KSR1: variants seen among roughly 807,000 people sequenced by gnomAD.
The protein encoded by KSR1 is kinase suppressor of ras.
KSR1 carries 35 observed loss-of-function variants against 92.9 expected under a neutral mutation model. That is an observed-to-expected ratio of 0.38 (90% CI 0.29 to 0.50). The LOEUF (loss-of-function observed/expected upper bound fraction) is 0.50. KSR1 is among the 20% of genes least tolerant of loss of function. KSR1 has a pLI of 0.94. For missense variants in KSR1, 972 were observed against 1,158.5 expected, an observed-to-expected ratio of 0.84 and a Z score of 2.34; for synonymous variants, 467 against 472.6, an observed-to-expected ratio of 0.99 and a Z score of 0.15.
At chr17:27,623,063 C>A in intron 20 of KSR1, 1 of 573,942 alleles carries the variant, frequency 1.7e-6, no homozygotes, top group Non-Finnish European at 3.1e-6. Flanking sequence ...CAGTACTGAG[C>A]ATGCTGGGAG....
At position 27,487,586 on chromosome 17, in the gene KSR1, TAAA is replaced by T. The variant is rs75708903; in HGVS notation, c.231+30726_231+30728del. On this transcript the variant is annotated intron_variant, in intron 1 of 20. Transcript: ENST00000644974. ...CAACGTGGTGAAACCCCATCTCTTT[TAAA>T]AAAAAAAAAAAAAGGTTTATTTGGC... Among the ~76,000 whole-genome samples, 110 of 145,974 alleles carry T rather than the reference TAAA, an allele frequency of 7.5e-4. No individual in the cohort carries two copies. In the Middle Eastern group the frequency reaches 0.018, roughly 24 times the overall value.
intron 1 of KSR1, among the ~76,000 whole-genome samples, chr17:27,549,881 A>G (rs1356608885): frequency 6.6e-6 from 1 of 152,180 alleles, no homozygotes; most frequent in Non-Finnish European, 1.5e-5. Flanking sequence ...TAACTTGTCC[A>G]AGGTCACAGA....
intron 10 of KSR1, among the ~76,000 whole-genome samples, chr17:27,598,461 A>G (rs1015371514): frequency 8.5e-5 from 13 of 152,168 alleles, no homozygotes; most frequent in Middle Eastern, 3.2e-3. Flanking sequence ...GGGACGGTGG[A>G]GACGGAGATC....
At chr17:27,604,759 GC>G (rs374217878) in intron 13 of KSR1, 31 bp downstream of exon 13, 45 of 1,610,804 alleles carry the variant, frequency 2.8e-5, no homozygotes, top group East Asian at 8.9e-5. Context: ...TCCACAGATG[GC>G]CCCCCCTCTT....
intron 10 of KSR1, among the ~76,000 whole-genome samples, chr17:27,599,411 G>A (rs1464906066): frequency 6.6e-6 from 1 of 152,156 alleles, no homozygotes; most frequent in African/African-American, 2.4e-5. Flanking sequence ...TACAAAATTA[G>A]CCAAGTGTGG....
At position 27,617,393 on chromosome 17, in the gene KSR1, G is replaced by A. The variant is rs776758508; in HGVS notation, c.2592G>A (p.Arg864=). The stretch of plus-strand genomic sequence containing the variant: ...AGAAACTTCCCAAGCTGAACCGGCG[G>A]CTCTCCCACCCTGGACACTTCTGGA... ...MLEKLPKLNR[R]LSHPGHFWKS... is the part of the protein sequence containing the mutation. The change falls in exon 19 of 21, where the codon CGG becomes CGA. Residue 864 remains arginine (R), a synonymous_variant. Coordinates refer to ENST00000644974, the MANE Select transcript of KSR1 (RefSeq NM_001394583.1). The A allele has an allele frequency of 3.7e-6, 6 of 1,612,712 alleles. No homozygotes were observed. Among genetic ancestry groups the A allele is most frequent in the Non-Finnish European group, 4.2e-6 (5 of 1,179,198 alleles).
intron 2 of KSR1, among the ~76,000 whole-genome samples, chr17:27,567,360 G>GCAGGAGGATTGCTTGAAGC (rs1434928120): frequency 6.6e-6 from 1 of 152,166 alleles, no homozygotes; most frequent in Admixed American, 6.5e-5. Context: ...GGAGGCCGAG[G>GCAGGAGGATTGCTTGAAGC]CAGGAGGATT....
intron 1 of KSR1, among the ~76,000 whole-genome samples, chr17:27,489,243 C>T (rs1280456453): frequency 1.3e-5 from 2 of 152,240 alleles, no homozygotes; most frequent in Non-Finnish European, 2.9e-5. Flanking sequence ...TGCCCACATG[C>T]AGGGTGTGGA....
chr17:27,605,920 G>A, intron 14 of KSR1, 107 bp downstream of exon 14: 1 of 1,440,386 alleles, frequency 6.9e-7, no homozygotes, highest in Non-Finnish European at 9.3e-7. Context: ...TCTAATAGAG[G>A]CATAAAGAAG....
At position 27,582,697 on chromosome 17, in the gene KSR1, A is replaced by C; in HGVS notation, c.572A>C (p.Glu191Ala). 1 of 1,613,496 alleles carries C rather than the reference A, an allele frequency of 6.2e-7. No individual in the cohort carries two copies. Among genetic ancestry groups the C allele is most frequent in the Admixed American group, 1.7e-5 (1 of 60,000 alleles). The change falls in exon 4 of 21, where the codon GAA becomes GCA. Residue 191 changes from glutamate to alanine, a missense_variant. Transcript: ENST00000644974. Reference protein sequence around the residue: ...SSWSSLDARRESGSGPSTDTL... With the variant: ...SSWSSLDARRASGSGPSTDTL... Reference sequence around the variant, plus strand: ...TGGAGTTCATTGGATGCGCGGCGGGAAAGTGGCTCAGGGCCTTCCACGGAC... The same window carrying C: ...TGGAGTTCATTGGATGCGCGGCGGGCAAGTGGCTCAGGGCCTTCCACGGAC...
At chr17:27,486,442 C>T (rs1303948883) in intron 1 of KSR1, among the ~76,000 whole-genome samples, 1 of 152,190 alleles carries the variant, frequency 6.6e-6, no homozygotes, top group Non-Finnish European at 1.5e-5. Flanking sequence ...TGTGGAACTC[C>T]CTAGTGGGCT....
chr17:27,496,491 C>T (rs2068990348), intron 1 of KSR1, among the ~76,000 whole-genome samples: 1 of 152,146 alleles, frequency 6.6e-6, no homozygotes, highest in Non-Finnish European at 1.5e-5. Flanking sequence ...TATGTCTCAG[C>T]CAGATTTTCT....
chr17:27,577,476 C>T lies in KSR1; in HGVS notation c.373-16C>T, dbSNP rs1304303125. 21 of 1,450,800 alleles carry T rather than the reference C, an allele frequency of 1.4e-5. No individual in the cohort carries two copies. The highest frequency in any genetic ancestry group is 2.0e-5 in the Non-Finnish European group (21 of 1,061,616). 89.9% of individuals were successfully genotyped at this position (1,450,800 alleles called of 1,614,324 possible). A position where few individuals can be genotyped will look rare whatever the true frequency, so the allele number is the denominator to read the frequency against. On this transcript the variant is annotated splice_polypyrimidine_tract_variant and intron_variant, in intron 2 of 20. Coordinates refer to ENST00000644974, the MANE Select transcript of KSR1 (RefSeq NM_001394583.1). This position sits in a 1 kb window ranked among gnomAD's most constrained non-coding sequence, Gnocchi z 4.5. Reference sequence around the variant, plus strand: ...GACTGCTCACCGCCTCTCTGCCTGTCCCTCTGTCCCCTTAGGAGATCCCCC... The same window carrying T: ...GACTGCTCACCGCCTCTCTGCCTGTTCCTCTGTCCCCTTAGGAGATCCCCC...
intron 1 of KSR1, among the ~76,000 whole-genome samples, chr17:27,540,660 T>C (rs192852562): frequency 1.8e-4 from 27 of 152,324 alleles, no homozygotes; most frequent in Non-Finnish European, 3.1e-4. Context: ...TCTCCTCTCC[T>C]TGCCCCACTT....
At chr17:27,511,220 G>A (rs114441428) in intron 1 of KSR1, among the ~76,000 whole-genome samples, 2,424 of 152,334 alleles carry the variant, frequency 0.016, 54 homozygotes, top group African/African-American at 0.055. Context: ...GCCAAGAAAC[G>A]TGGGGACGCC....
chr17:27,609,268 G>C lies in KSR1; in HGVS notation c.2164G>C (p.Gly722Arg). ...ATCTAAGAACGTCTTCTATGACAAC[G>C]GCAAGGTGGTCATCACAGACTTCGG... ...LKSKNVFYDN[G>R]KVVITDFGLF... Residue 722 changes from glycine to arginine, a missense_variant, in exon 16 of 21, where the codon GGC (glycine) becomes CGC (arginine). Gly to Arg is a moderately radical substitution (Grantham distance 125). Transcript: ENST00000644974. 6.2e-7 allele frequency: 1 copy of C among 1,613,950 alleles called. No individual in the cohort carries two copies. The highest frequency in any genetic ancestry group is 8.5e-7 in the Non-Finnish European group (1 of 1,179,886).
chr17:27,526,032 CTTTT>C (rs1567792426), intron 1 of KSR1, among the ~76,000 whole-genome samples: 4 of 99,356 alleles, frequency 4.0e-5, no homozygotes, highest in African/African-American at 2.2e-4. Flanking sequence ...CTTTTCTTTT[CTTTT>C]CTTTTCTTTC....
At chr17:27,601,673 G>A (rs1212230148) in intron 11 of KSR1, among the ~76,000 whole-genome samples, 2 of 152,214 alleles carry the variant, frequency 1.3e-5, no homozygotes, top group Non-Finnish European at 1.5e-5. Context: ...ACCTTTTCAA[G>A]GTCACACTGC....
At chr17:27,576,754 C>T (rs2072522183) in intron 2 of KSR1, among the ~76,000 whole-genome samples, 1 of 152,188 alleles carries the variant, frequency 6.6e-6, no homozygotes, top group Admixed American at 6.5e-5. Context: ...ATGTTTCTGG[C>T]ATTTTCCATT....
Sources: allele counts gnomAD v4.1 joint callset (sites outside exome capture counted in the v4.1 genomes callset), GRCh38; gene constraint gnomAD v4.1.1; non-coding constraint Gnocchi (gnomAD v3.1); transcripts MANE v1.5; gene names NCBI Gene and HGNC (gene_info 2026-07-23, HGNC 2026-07-21).